NRXN3: variants seen among roughly 807,000 people sequenced by gnomAD.
NRXN3 encodes the protein neurexin 3.
A neutral mutation model predicts 137.6 loss-of-function variants in NRXN3; 32 were observed. The ratio of observed to expected loss-of-function variants is 0.23; its 90% CI spans 0.18 to 0.31. NRXN3 has a LOEUF of 0.31. Among genes scored for constraint, NRXN3 ranks in the 10% least tolerant of loss-of-function variants. The pLI is 1.00. For synonymous variants in NRXN3, 798 were observed against 784.5 expected, an observed-to-expected ratio of 1.02 and a Z score of -0.29; for missense variants, 1,574 against 2,062.5, an observed-to-expected ratio of 0.76 and a Z score of 4.59.
At chr14:78,795,064 A>G (rs2098817478) in intron 8 of NRXN3, among the ~76,000 whole-genome samples, 1 of 152,198 alleles carries the variant, frequency 6.6e-6, no homozygotes, top group African/African-American at 2.4e-5. Context: ...ACTGCACTCC[A>G]GCCTGTGTAA....
intron 16 of NRXN3, among the ~76,000 whole-genome samples, chr14:79,534,974 C>T (rs1330712105): frequency 6.6e-6 from 1 of 152,110 alleles, no homozygotes; most frequent in African/African-American, 2.4e-5. Context: ...TAGAAGTGTA[C>T]CACAACAGGC....
intron 4 of NRXN3, among the ~76,000 whole-genome samples, chr14:78,412,109 C>T (rs921320470): frequency 2.0e-5 from 3 of 152,134 alleles, no homozygotes; most frequent in Admixed American, 6.5e-5. Context: ...TGTAGTAAGA[C>T]GTTAATGGTG....
intron 19 of NRXN3, among the ~76,000 whole-genome samples, chr14:79,798,793 C>T (rs1208792069): frequency 6.6e-6 from 1 of 152,142 alleles, no homozygotes; most frequent in Non-Finnish European, 1.5e-5. Flanking sequence ...CAGTTCTGAT[C>T]ACAGCTCACA....
At chr14:79,119,575 T>C (rs2055070938) in intron 15 of NRXN3, among the ~76,000 whole-genome samples, 1 of 152,156 alleles carries the variant, frequency 6.6e-6, no homozygotes, top group African/African-American at 2.4e-5. Context: ...TCAGGAACCA[T>C]CTGGAAGTTT....
At chr14:79,361,848 G>T (rs1438094327) in intron 15 of NRXN3, among the ~76,000 whole-genome samples, 2 of 152,114 alleles carry the variant, frequency 1.3e-5, no homozygotes, top group Admixed American at 1.3e-4. Flanking sequence ...GAATACAGGA[G>T]AATGGAATGG....
intron 6 of NRXN3, among the ~76,000 whole-genome samples, chr14:78,673,379 A>G (rs954077370): frequency 6.6e-6 from 1 of 152,214 alleles, no homozygotes; most frequent in Admixed American, 6.5e-5. Flanking sequence ...CAGGCAGTCC[A>G]AGCAATGGTT....
At chr14:79,252,400 T>C (rs2076059546) in intron 15 of NRXN3, among the ~76,000 whole-genome samples, 1 of 152,238 alleles carries the variant, frequency 6.6e-6, no homozygotes, top group African/African-American at 2.4e-5. Context: ...CAGGGATATT[T>C]ATATGGAAAA....
intron 15 of NRXN3, among the ~76,000 whole-genome samples, chr14:79,326,365 C>T (rs2090869665): frequency 6.6e-6 from 1 of 152,064 alleles, no homozygotes. Flanking sequence ...TGTTTAGCCC[C>T]CATGACAACA....
chr14:79,234,070 T>C (rs1325303673), intron 15 of NRXN3, among the ~76,000 whole-genome samples: 1 of 151,232 alleles, frequency 6.6e-6, no homozygotes, highest in Non-Finnish European at 1.5e-5. Flanking sequence ...GGCTTCTCAA[T>C]TTGATACCTA....
intron 5 of NRXN3, among the ~76,000 whole-genome samples, chr14:78,646,782 G>A (rs1449254156): frequency 1.3e-5 from 2 of 152,004 alleles, no homozygotes; most frequent in African/African-American, 4.8e-5. Context: ...TTCCTCCAAG[G>A]CCAAAGAACC....
At chr14:79,726,629 C>T (rs2098891204) in intron 19 of NRXN3, among the ~76,000 whole-genome samples, 1 of 152,100 alleles carries the variant, frequency 6.6e-6, no homozygotes, top group South Asian at 2.1e-4. Context: ...TACTGGGCAC[C>T]ATACAGTAAG....
At chr14:78,686,725 T>C (rs2098129167) in intron 6 of NRXN3, among the ~76,000 whole-genome samples, 1 of 152,092 alleles carries the variant, frequency 6.6e-6, no homozygotes, top group African/African-American at 2.4e-5. Flanking sequence ...TAACTCAAAA[T>C]CCAAAGACTT....
intron 1 of NRXN3, among the ~76,000 whole-genome samples, chr14:78,229,671 C>T (rs2065120078): frequency 6.6e-6 from 1 of 152,220 alleles, no homozygotes; most frequent in Non-Finnish European, 1.5e-5. Context: ...CTATGATCGA[C>T]TCTGTGCCAG....
intron 10 of NRXN3, among the ~76,000 whole-genome samples, chr14:78,887,494 G>A (rs932272113): frequency 6.6e-6 from 1 of 152,002 alleles, no homozygotes; most frequent in Non-Finnish European, 1.5e-5. Context: ...AAAATGTTTG[G>A]TGAGGCTGGA....
At position 79,256,172 on chromosome 14, in the gene NRXN3, G is replaced by GTCTCTCTC. The variant is rs111298626; in HGVS notation, c.3263-211036_3263-211029dup. On this transcript the variant is annotated intron_variant, in intron 15 of 20. Coordinates refer to ENST00000335750, the MANE Select transcript of NRXN3 (RefSeq NM_001330195.2). Reference sequence around the variant, plus strand: ...TGTCTGTCTCTCTGTCTCTCTCTCTGTCTCTCTCTCTCTCTCTCTCACACA... The same window carrying GTCTCTCTC: ...TGTCTGTCTCTCTGTCTCTCTCTCTGTCTCTCTCTCTCTCTCTCTCTCTCTCTCACACA... 2.1e-3 allele frequency among the ~76,000 whole-genome samples: 302 copies of GTCTCTCTC among 145,396 alleles called. 2 individuals are homozygous for GTCTCTCTC. The highest frequency in any genetic ancestry group is 7.3e-3 in the African/African-American group (290 of 39,614).
Position 78,222,775 on chromosome 14 carries a change from G to A in NRXN3, c.-703-19616G>A, listed in dbSNP as rs1596063723. Among the ~76,000 whole-genome samples the A allele has an allele frequency of 3.9e-5, 6 of 152,286 alleles. No homozygotes were observed. The South Asian group carries it at 1.2e-3, about 32-fold the overall frequency. On this transcript the variant is annotated intron_variant, in intron 1 of 20. Transcript: ENST00000335750. ...GACCTACACTTTTTCTCTTTGCAGA[G>A]CCTCTCACTACTTTTTGAAGTTCTT...
intron 4 of NRXN3, among the ~76,000 whole-genome samples, chr14:78,603,369 G>T (rs1463517846): frequency 6.6e-6 from 1 of 152,168 alleles, no homozygotes; most frequent in African/African-American, 2.4e-5. Flanking sequence ...ATCCTGGGCT[G>T]CCTGCAGCAG....
intron 4 of NRXN3, among the ~76,000 whole-genome samples, chr14:78,319,001 C>A (rs575814628): frequency 6.6e-6 from 1 of 152,360 alleles, no homozygotes; most frequent in South Asian, 2.1e-4. Flanking sequence ...TTTTAACAAA[C>A]TCCCAAGGGA....
intron 4 of NRXN3, among the ~76,000 whole-genome samples, chr14:78,504,012 G>A (rs937511323): frequency 1.3e-5 from 2 of 152,174 alleles, no homozygotes; most frequent in African/African-American, 4.8e-5. Context: ...AGAATGAAAG[G>A]AAGTTTAATG....
Sources: allele counts gnomAD v4.1 joint callset (sites outside exome capture counted in the v4.1 genomes callset), GRCh38; gene constraint gnomAD v4.1.1; transcripts MANE v1.5; gene names NCBI Gene and HGNC (gene_info 2026-07-23, HGNC 2026-07-21).